TEX15: variants seen among roughly 807,000 people sequenced by gnomAD.
TEX15 encodes the protein testis expressed 15, meiosis and synapsis associated.
TEX15 carries 171 observed loss-of-function variants against 237.3 expected under a neutral mutation model. That is an observed-to-expected ratio of 0.72 (90% confidence interval 0.64 to 0.82). The LOEUF (loss-of-function observed/expected upper bound fraction) is 0.82. Among genes scored for constraint, TEX15 ranks in the 40% least tolerant of loss-of-function variants. The probability of loss-of-function intolerance (pLI) is 0.00; values close to 1 mark genes in which losing one functional copy is unlikely to be tolerated. For synonymous variants in TEX15, 1,338 were observed against 1,269.8 expected (o/e 1.05, Z -1.14); for missense variants, 3,750 against 3,646.5 (o/e 1.03, Z -0.73).
chr8:30,903,675 T>A (rs1448935069), intron 1 of TEX15, among the ~76,000 whole-genome samples: 1 of 152,218 alleles, frequency 6.6e-6, no homozygotes, highest in Admixed American at 6.5e-5. Context: ...CAAATCAGCA[T>A]TCTTTTTTCA....
intron 8 of TEX15, 81 bp from the exon 9 acceptor site, chr8:30,840,045 A>AT (rs1296962492): frequency 1.2e-6 from 1 of 802,622 alleles, no homozygotes; most frequent in African/African-American, 1.8e-5. Flanking sequence ...AATATTAGAT[A>AT]TTTTTAATTG....
intron 8 of TEX15, among the ~76,000 whole-genome samples, chr8:30,840,182 A>AT (rs1807418159): frequency 6.6e-6 from 1 of 151,652 alleles, no homozygotes; most frequent in Non-Finnish European, 1.5e-5. Flanking sequence ...AATTTGTAAC[A>AT]TTCTTCTTAT....
At chr8:30,885,209 G>A (rs1321224527) in intron 3 of TEX15, among the ~76,000 whole-genome samples, 2 of 151,828 alleles carry the variant, frequency 1.3e-5, no homozygotes, top group Non-Finnish European at 2.9e-5. Context: ...GATATGATTT[G>A]GCTCTGTGTC....
At chr8:30,905,576 A>G (rs1202185720) in intron 1 of TEX15, among the ~76,000 whole-genome samples, 1 of 152,044 alleles carries the variant, frequency 6.6e-6, no homozygotes, top group Admixed American at 6.6e-5. Context: ...ATAAGAGATA[A>G]TATTTTTGGT....
At chr8:30,861,531 G>A (rs1039221757) in intron 5 of TEX15, among the ~76,000 whole-genome samples, 1 of 152,128 alleles carries the variant, frequency 6.6e-6, no homozygotes, top group Non-Finnish European at 1.5e-5. Flanking sequence ...AAACAAACAT[G>A]AGTAGAAAAA....
rs1295122635 is a variant in TEX15, at chr8:30,837,195, G to T, written c.9089C>A (p.Ser3030Tyr). Residue 3030 changes from serine to tyrosine, a missense_variant, in exon 10 of 11, where the codon TCT becomes TAT. By Grantham distance (144) the Ser-to-Tyr change is moderately radical. Coordinates refer to ENST00000643185, the MANE Select transcript of TEX15 (RefSeq NM_001350162.2). ...TGAAGTTCCAAATAAATGCTCAGAA[G>T]AATTATATGTTGGGTTACATGCAGA... is the stretch of plus-strand genomic sequence containing the variant. ...PQSACNPTYN[S>Y]SEHLFGTSYP... The T allele has an allele frequency of 5.6e-6, 9 of 1,613,918 alleles. No homozygotes were observed. The South Asian group carries it at 8.8e-5, about 16-fold the overall frequency.
At chr8:30,833,371 T>C (rs758797157) in intron 10 of TEX15, 48 bp from the exon 11 acceptor site, 4 of 1,363,480 alleles carry the variant, frequency 2.9e-6, no homozygotes, top group African/African-American at 2.9e-5. Flanking sequence ...TTTAGACTAA[T>C]GGTACATGAT....
chr8:30,847,474 T>C lies in TEX15; in HGVS notation c.2693A>G (p.Asn898Ser). 6.2e-7 allele frequency: 1 copy of C among 1,612,836 alleles called. No homozygotes were observed. The highest frequency in any genetic ancestry group is 8.5e-7 in the Non-Finnish European group (1 of 1,179,742). ...ATTTTTGTCCTCCTTTTCATCTATA[T>C]TGCTGAAATTTTCGTTTGTATGAGA... ...QDSHTNENFSNIDEKEDKNYH... is the reference protein window; with the variant it reads ...QDSHTNENFSSIDEKEDKNYH... The change falls in exon 8 of 11, where the codon AAT becomes AGT. Residue 898 changes from asparagine to serine, a missense_variant. Physicochemically the swap from Asn to Ser is conservative, Grantham distance 46. Transcript: ENST00000643185.
At chr8:30,865,665 G>A (rs1185508030) in intron 5 of TEX15, among the ~76,000 whole-genome samples, 1 of 152,028 alleles carries the variant, frequency 6.6e-6, no homozygotes, top group African/African-American at 2.4e-5. Context: ...CAATAAACGT[G>A]ATAGATCACA....
chr8:30,905,875 C>T (rs1036393858), intron 1 of TEX15, among the ~76,000 whole-genome samples: 17 of 152,026 alleles, frequency 1.1e-4, no homozygotes, highest in Admixed American at 1.1e-3. Flanking sequence ...CACTGCACTC[C>T]AGCCTGGGTG....
At position 30,847,496 on chromosome 8, in the gene TEX15, G is replaced by A; in HGVS notation, c.2671C>T (p.His891Tyr). ...ATATTGCTGAAATTTTCGTTTGTAT[G>A]AGAATCCTGCTTTTTGTCTCCATAT... ...NIYGDKKQDS[H>Y]TNENFSNIDE... The change falls in exon 8 of 11, where the codon CAT becomes TAT. Residue 891 changes from histidine (H) to tyrosine (Y), a missense_variant. Transcript: ENST00000643185. 1 of 1,613,398 alleles carries A rather than the reference G, an allele frequency of 6.2e-7. No individual in the cohort carries two copies. The highest frequency in any genetic ancestry group is 1.3e-5 in the African/African-American group (1 of 75,016).
intron 4 of TEX15, among the ~76,000 whole-genome samples, chr8:30,872,856 CA>C (rs1208367070): frequency 6.6e-6 from 1 of 152,010 alleles, no homozygotes; most frequent in Non-Finnish European, 1.5e-5. Flanking sequence ...ACAAAAGGGT[CA>C]AAAAGTTAGA....
At chr8:30,856,371 T>G (rs1037828205) in intron 7 of TEX15, among the ~76,000 whole-genome samples, 16 of 150,284 alleles carry the variant, frequency 1.1e-4, no homozygotes, top group African/African-American at 3.4e-4. Context: ...CTGGGCAACA[T>G]GGTGAAACCC....
Position 30,849,090 on chromosome 8 carries a change from T to C in TEX15, c.1077A>G (p.Gly359=). 6.2e-7 allele frequency: 1 copy of C among 1,613,052 alleles called. No individual in the cohort carries two copies. Among genetic ancestry groups the C allele is most frequent in the South Asian group, 1.1e-5 (1 of 91,028 alleles). Residue 359 remains glycine, a synonymous_variant, in exon 8 of 11, where the codon GGA becomes GGG. Transcript: ENST00000643185. ...GNISIPETYS[G]QTEHSLAEIR... Reference sequence around the variant, plus strand: ...TTTCTGCTAAACTGTGCTCTGTCTGTCCACTGTATGTTTCAGGTATAGAAA... The same window carrying C: ...TTTCTGCTAAACTGTGCTCTGTCTGCCCACTGTATGTTTCAGGTATAGAAA...
At chr8:30,905,988 C>T (rs1377836643) in intron 1 of TEX15, among the ~76,000 whole-genome samples, 3 of 152,066 alleles carry the variant, frequency 2.0e-5, no homozygotes, top group Non-Finnish European at 4.4e-5. Context: ...ATTACCTATA[C>T]TTTTGTGCCT....
rs777713235 is a variant in TEX15 at position 30,845,057 on chromosome 8, G to A, written c.5110C>T (p.Pro1704Ser). The change falls in exon 8 of 11, where the codon CCA (proline) becomes TCA (serine). Residue 1704 changes from proline (P) to serine (S), a missense_variant. By Grantham distance (74) the Pro-to-Ser change is moderately conservative. Coordinates refer to ENST00000643185, the MANE Select transcript of TEX15 (RefSeq NM_001350162.2). ...NIITGNFLMGPLNLTLIASKK... is the reference protein window; with the variant it reads ...NIITGNFLMGSLNLTLIASKK... Reference sequence around the variant, plus strand: ...CTTGCTATCAAAGTTAGGTTTAATGGGCCCATAAGGAAGTTTCCTGTAATA... The same window carrying A: ...CTTGCTATCAAAGTTAGGTTTAATGAGCCCATAAGGAAGTTTCCTGTAATA... 19 of 1,613,378 alleles carry A rather than the reference G, an allele frequency of 1.2e-5. No homozygotes were observed. The highest frequency in any genetic ancestry group is 1.5e-5 in the Non-Finnish European group (18 of 1,179,542).
At chr8:30,867,008 CA>C (rs932877577) in intron 5 of TEX15, among the ~76,000 whole-genome samples, 10 of 139,212 alleles carry the variant, frequency 7.2e-5, no homozygotes, top group African/African-American at 2.6e-4. Flanking sequence ...TAAATCAGAA[CA>C]AAAAAATATA....
intron 2 of TEX15, among the ~76,000 whole-genome samples, chr8:30,897,583 A>C (rs1695097520): frequency 1.3e-5 from 2 of 152,216 alleles, no homozygotes; most frequent in Non-Finnish European, 2.9e-5. Flanking sequence ...AATCCATATG[A>C]TTAATATGTG....
intron 1 of TEX15, among the ~76,000 whole-genome samples, chr8:30,907,220 C>T (rs1809121189): frequency 6.6e-6 from 1 of 152,122 alleles, no homozygotes; most frequent in African/African-American, 2.4e-5. Flanking sequence ...AATCATGGCT[C>T]ATTGTGTGCC....
Sources: allele counts gnomAD v4.1 joint callset (sites outside exome capture counted in the v4.1 genomes callset), GRCh38; gene constraint gnomAD v4.1.1; transcripts MANE v1.5; gene names NCBI Gene and HGNC (gene_info 2026-07-23, HGNC 2026-07-21).